The following GTF2A2 variants were observed in gnomAD, a reference collection of about 807,000 sequenced individuals.
GTF2A2 encodes general transcription factor IIA subunit 2, also known as transcription initiation factor IIA subunit 2.
In GTF2A2, 9 loss-of-function variants were observed where a neutral mutation model predicts 14.3. That is an observed-to-expected ratio of 0.63 (90% CI 0.38 to 1.10). GTF2A2 has a LOEUF of 1.10. GTF2A2 is among the 50% of genes least tolerant of loss of function. The pLI is 0.01. For missense variants in GTF2A2, 90 were observed against 124.6 expected, an observed-to-expected ratio of 0.72 and a Z score of 1.32; for synonymous variants, 56 against 46.0, an observed-to-expected ratio of 1.22 and a Z score of -0.88.
At chr15:59,654,843 T>G (rs1891896066) in intron 1 of GTF2A2, among the ~76,000 whole-genome samples, 1 of 152,180 alleles carries the variant, frequency 6.6e-6, no homozygotes, top group Non-Finnish European at 1.5e-5. Flanking sequence ...GTCTTTTGGA[T>G]TTTAGAATAT....
chr15:59,649,320 T>C (rs893802500), intron 3 of GTF2A2, among the ~76,000 whole-genome samples: 3 of 152,294 alleles, frequency 2.0e-5, no homozygotes, highest in Middle Eastern at 3.4e-3. Context: ...TTTTCGAAAA[T>C]AGACAAACTC....
At chr15:59,639,810 G>A (rs1482981055) in intron 4 of GTF2A2, among the ~76,000 whole-genome samples, 1 of 152,006 alleles carries the variant, frequency 6.6e-6, no homozygotes, top group African/African-American at 2.4e-5. Context: ...GAGTGCAGTA[G>A]CGCAATCTCA....
Position 59,652,221 on chromosome 15 carries a change from T to G in GTF2A2, c.57A>C (p.Leu19=), listed in dbSNP as rs371091075. The change falls in exon 2 of 5, where the codon CTA becomes CTC. Residue 19 remains leucine (L), a synonymous_variant. Transcript: ENST00000396060. Reference sequence around the variant, plus strand: ...AGTCTCCCACCTGTATGAGCTCATCTAGGCTCTCCTGAAGACTGTTTCCCA... The same window carrying G: ...AGTCTCCCACCTGTATGAGCTCATCGAGGCTCTCCTGAAGACTGTTTCCCA... ...TTLGNSLQES[L]DELIQSQQIT... 2 of 1,586,576 alleles carry G rather than the reference T, an allele frequency of 1.3e-6. No individual in the cohort carries two copies. Among genetic ancestry groups the G allele is most frequent in the East Asian group, 2.2e-5 (1 of 44,632 alleles).
chr15:59,640,050 C>T (rs2141954450), intron 4 of GTF2A2: 1 of 152,398 alleles, frequency 6.6e-6, no homozygotes, highest in East Asian at 1.9e-4. Context: ...TGCACCTGGC[C>T]TACTGTCCCA....
intron 4 of GTF2A2, among the ~76,000 whole-genome samples, chr15:59,639,494 G>C (rs1216223386): frequency 2.2e-5 from 3 of 138,104 alleles, no homozygotes; most frequent in African/African-American, 8.2e-5. Context: ...ATGGAGTCTA[G>C]CTGTTGCCCA....
At chr15:59,639,236 C>CAAAAATGAGAACACAGGACTAA (rs1163545296) in intron 4 of GTF2A2, 79 bp from the exon 5 acceptor site, 31 of 845,386 alleles carry the variant, frequency 3.7e-5, no homozygotes, top group Non-Finnish European at 5.7e-5. Flanking sequence ...TTAAGACTAT[C>CAAAAATGAGAACACAGGACTAA]AAAAATGAGA....
intron 4 of GTF2A2, among the ~76,000 whole-genome samples, chr15:59,640,446 A>G (rs1219493969): frequency 1.3e-5 from 2 of 152,208 alleles, no homozygotes; most frequent in Non-Finnish European, 2.9e-5. Flanking sequence ...CTGACACTCT[A>G]CTAGTCTACA....
intron 3 of GTF2A2, among the ~76,000 whole-genome samples, chr15:59,648,864 G>A (rs1306760103): frequency 6.6e-6 from 1 of 152,022 alleles, no homozygotes; most frequent in Non-Finnish European, 1.5e-5. Flanking sequence ...AACCCGGGAG[G>A]CGGAGCTTGC....
intron 1 of GTF2A2, among the ~76,000 whole-genome samples, chr15:59,653,856 C>G (rs1891865759): frequency 1.3e-5 from 2 of 152,166 alleles, no homozygotes; most frequent in Non-Finnish European, 2.9e-5. Context: ...TAACAGTAAA[C>G]ATAGTCTTCC....
intron 4 of GTF2A2, among the ~76,000 whole-genome samples, chr15:59,640,886 T>C (rs1400705781): frequency 6.6e-6 from 1 of 152,106 alleles, no homozygotes; most frequent in African/African-American, 2.4e-5. Flanking sequence ...AAGATGTATC[T>C]AATGACTATA....
chr15:59,638,345 A>AG lies in GTF2A2; in HGVS notation c.*786dup, dbSNP rs1379825869. 1.3e-5 allele frequency: 2 copies of AG among 152,174 alleles called. No homozygotes were observed. Among genetic ancestry groups the AG allele is most frequent in the Admixed American group, 1.3e-4 (2 of 15,264 alleles). The allele number at this position is 152,174 out of a possible 1,614,324, so 9.4% of individuals were successfully genotyped here. A position where few individuals can be genotyped will look rare whatever the true frequency, so the allele number is the denominator to read the frequency against. ...TAACCATGTAAGAAACTCCTCACCT[A>AG]GGGTCAGTATGTTACTTCTGTATTT... On this transcript the variant is annotated 3_prime_UTR_variant, in exon 5 of 5. Coordinates refer to ENST00000396060, the MANE Select transcript of GTF2A2 (RefSeq NM_004492.3).
At chr15:59,645,210 G>A (rs1190532659) in intron 3 of GTF2A2, among the ~76,000 whole-genome samples, 1 of 152,158 alleles carries the variant, frequency 6.6e-6, no homozygotes, top group Non-Finnish European at 1.5e-5. Flanking sequence ...TTTGGAACTT[G>A]TTGAATTTCA....
chr15:59,639,800 G>C (rs558390755), intron 4 of GTF2A2, among the ~76,000 whole-genome samples: 99 of 152,026 alleles, frequency 6.5e-4, no homozygotes, highest in Admixed American at 6.2e-3. Flanking sequence ...GCCCAGGCTG[G>C]AGTGCAGTAG....
intron 3 of GTF2A2, among the ~76,000 whole-genome samples, chr15:59,648,716 C>CTT (rs1258496496): frequency 6.6e-6 from 1 of 151,992 alleles, no homozygotes; most frequent in Non-Finnish European, 1.5e-5. Flanking sequence ...GGGCAGATCA[C>CTT]GAGGTCAGGA....
chr15:59,646,473 C>T (rs1891611072), intron 3 of GTF2A2, among the ~76,000 whole-genome samples: 1 of 152,126 alleles, frequency 6.6e-6, no homozygotes, highest in Non-Finnish European at 1.5e-5. Flanking sequence ...GCTTAGCTTG[C>T]AGTAAATTAC....
At chr15:59,644,431 G>A (rs116811022) in intron 3 of GTF2A2, 4 of 152,290 alleles carry the variant, frequency 2.6e-5, no homozygotes, top group African/African-American at 9.6e-5. Context: ...AATGACTAAG[G>A]AAAGTGATAG....
At chr15:59,652,857 G>T (rs1891835073) in intron 1 of GTF2A2, 1 of 152,248 alleles carries the variant, frequency 6.6e-6, no homozygotes, top group Non-Finnish European at 1.5e-5. Flanking sequence ...GATAAGAACT[G>T]GGATAAAGAT....
chr15:59,648,401 C>CCAA (rs1891679531), intron 3 of GTF2A2, among the ~76,000 whole-genome samples: 1 of 90,570 alleles, frequency 1.1e-5, no homozygotes, highest in Non-Finnish European at 2.0e-5. Flanking sequence ...GACTTCGTCT[C>CCAA]AAAAAAAAAA....
chr15:59,643,228 T>C (rs1891491614), intron 3 of GTF2A2, among the ~76,000 whole-genome samples: 1 of 151,632 alleles, frequency 6.6e-6, no homozygotes, highest in Non-Finnish European at 1.5e-5. Flanking sequence ...TGCAGGTGTA[T>C]GCCACCACGC....
Sources: gnomAD v4.1 joint callset for allele counts (sites outside exome capture counted in the v4.1 genomes callset) on GRCh38, gnomAD v4.1.1 for gene constraint, MANE v1.5 for transcripts, NCBI Gene and HGNC (gene_info 2026-07-23, HGNC 2026-07-21) for gene names.